Variants in CPNE4 observed in about 807,000 individuals in gnomAD.
CPNE4 encodes the protein copine 4.
A neutral mutation model predicts 67.9 loss-of-function variants in CPNE4; 25 were observed. The ratio of observed to expected loss-of-function variants is 0.37; its 90% CI spans 0.27 to 0.51. The LOEUF is 0.51. CPNE4 is among the 20% of genes least tolerant of loss of function. The pLI is 0.93. For missense variants in CPNE4, 464 were observed against 690.8 expected, an observed-to-expected ratio of 0.67 and a Z score of 3.68; for synonymous variants, 242 against 244.9, an observed-to-expected ratio of 0.99 and a Z score of 0.11.
chr3:132,015,287 A>T (rs955537792), intron 1 of CPNE4, among the ~76,000 whole-genome samples: 5 of 152,212 alleles, frequency 3.3e-5, no homozygotes, highest in African/African-American at 1.2e-4. Context: ...GTTAAATAAA[A>T]TAATATCAAA....
intron 3 of CPNE4, among the ~76,000 whole-genome samples, chr3:131,712,823 G>A (rs1336258039): frequency 6.6e-6 from 1 of 152,218 alleles, no homozygotes; most frequent in Non-Finnish European, 1.5e-5. Flanking sequence ...GGAAACACAA[G>A]GGCTGAATGA....
At chr3:131,706,691 G>T (rs555773285) in intron 3 of CPNE4, among the ~76,000 whole-genome samples, 6 of 152,184 alleles carry the variant, frequency 3.9e-5, no homozygotes, top group Non-Finnish European at 5.9e-5. Flanking sequence ...CTTCAAGTCT[G>T]ATAAGAAACA....
intron 2 of CPNE4, among the ~76,000 whole-genome samples, chr3:131,848,954 T>TAAAAAAAAAAAAA (rs2086114488): frequency 8.1e-5 from 1 of 12,414 alleles, no homozygotes; most frequent in African/African-American, 2.3e-4. Context: ...CAGTAGTGAT[T>TAAAAAAAAAAAAA]ACAAAAAAAA....
rs184669328 is a variant in CPNE4, at chr3:131,789,384, G to A, written c.181-65759C>T. ...TATCCACCTAATAGTAGTGTGGCAG[G>A]AACAATGTGATATAGCAACAAGTCA... On this transcript the variant is annotated intron_variant, in intron 2 of 15. Coordinates refer to ENST00000429747, the MANE Select transcript of CPNE4 (RefSeq NM_130808.3). Among the ~76,000 whole-genome samples, 5 of 152,220 alleles carry A rather than the reference G, an allele frequency of 3.3e-5. 1 individual carries two copies. In the East Asian group the frequency reaches 9.7e-4, roughly 29 times the overall value.
At chr3:131,921,958 G>T (rs1190245580) in intron 1 of CPNE4, among the ~76,000 whole-genome samples, 1 of 152,074 alleles carries the variant, frequency 6.6e-6, no homozygotes, top group Non-Finnish European at 1.5e-5. Flanking sequence ...GATTCAGGGG[G>T]CACATGTGCA....
At chr3:131,922,446 G>A (rs373440531) in intron 1 of CPNE4, among the ~76,000 whole-genome samples, 4 of 152,266 alleles carry the variant, frequency 2.6e-5, no homozygotes, top group East Asian at 1.9e-4. Context: ...TAAACTAAGA[G>A]AGACAGGTCT....
chr3:131,600,266 G>A (rs1270641187), intron 7 of CPNE4, among the ~76,000 whole-genome samples: 1 of 152,178 alleles, frequency 6.6e-6, no homozygotes, highest in African/African-American at 2.4e-5. Flanking sequence ...CAATGACAGT[G>A]AAGAAGGGCC....
intron 3 of CPNE4, among the ~76,000 whole-genome samples, chr3:131,703,850 G>A (rs2081358939): frequency 1.3e-5 from 2 of 152,154 alleles, no homozygotes; most frequent in Admixed American, 6.5e-5. Context: ...ACAATGTAGT[G>A]AAATCTCAGC....
chr3:131,956,707 T>G lies in CPNE4; in HGVS notation c.-1-51263A>C, dbSNP rs192108605. ...TATAAAGTGTGTCCTATCCATCCCATTGGTTTCCTCATAGCCAATGAAAGT... is the reference window on the plus strand; with the variant it reads ...TATAAAGTGTGTCCTATCCATCCCAGTGGTTTCCTCATAGCCAATGAAAGT... On this transcript the variant is annotated intron_variant, in intron 1 of 15. Coordinates refer to ENST00000429747, the MANE Select transcript of CPNE4 (RefSeq NM_130808.3). 6.6e-5 allele frequency among the ~76,000 whole-genome samples: 10 copies of G among 152,288 alleles called. No homozygotes were observed. The South Asian group carries it at 2.1e-3, about 32-fold the overall frequency.
At chr3:131,758,224 A>G (rs1436409473) in intron 2 of CPNE4, among the ~76,000 whole-genome samples, 3 of 152,168 alleles carry the variant, frequency 2.0e-5, no homozygotes, top group Non-Finnish European at 2.9e-5. Flanking sequence ...CAGCCCATGA[A>G]AGCAGCCAGG....
intron 1 of CPNE4, among the ~76,000 whole-genome samples, chr3:131,962,620 A>G (rs2072215622): frequency 6.6e-6 from 1 of 152,236 alleles, no homozygotes; most frequent in Non-Finnish European, 1.5e-5. Flanking sequence ...TGTGGCAAGT[A>G]CTGTTATAAG....
chr3:131,767,208 C>T (rs1033189750), intron 2 of CPNE4, among the ~76,000 whole-genome samples: 5 of 151,978 alleles, frequency 3.3e-5, no homozygotes, highest in African/African-American at 1.2e-4. Context: ...ACCTATGACA[C>T]TCTAATTAAG....
intron 7 of CPNE4, among the ~76,000 whole-genome samples, chr3:131,662,912 C>T (rs2080163091): frequency 6.6e-6 from 1 of 152,160 alleles, no homozygotes; most frequent in Non-Finnish European, 1.5e-5. Context: ...GGTGATTCCT[C>T]AAGGATCTAG....
intron 2 of CPNE4, among the ~76,000 whole-genome samples, chr3:131,814,997 A>T (rs1040265981): frequency 1.3e-5 from 2 of 152,198 alleles, no homozygotes; most frequent in Admixed American, 6.5e-5. Flanking sequence ...GTTCTAAAGG[A>T]GGCCAACACC....
intron 1 of CPNE4, among the ~76,000 whole-genome samples, chr3:131,918,037 G>A (rs777757639): frequency 1.5e-4 from 23 of 152,202 alleles, no homozygotes; most frequent in Non-Finnish European, 2.6e-4. Flanking sequence ...CTGTCCCAGT[G>A]CTTCCCATAA....
intron 2 of CPNE4, among the ~76,000 whole-genome samples, chr3:131,771,622 G>A (rs943471243): frequency 2.6e-4 from 39 of 152,122 alleles, no homozygotes; most frequent in African/African-American, 8.9e-4. Context: ...ACCAGAAGCA[G>A]ATACTGGTGC....
intron 1 of CPNE4, among the ~76,000 whole-genome samples, chr3:131,955,699 A>G (rs1313209735): frequency 1.3e-5 from 2 of 152,142 alleles, no homozygotes; most frequent in African/African-American, 4.8e-5. Flanking sequence ...GTTTCCTCTT[A>G]CAAACCTTTT....
intron 6 of CPNE4, among the ~76,000 whole-genome samples, chr3:131,684,226 T>TG (rs147000107): frequency 0.017 from 2,611 of 152,240 alleles, 44 homozygotes; most frequent in African/African-American, 0.046. Flanking sequence ...GGATGATTAG[T>TG]GGAGGCTTCT....
chr3:131,553,729 GCTAA>G (rs1936311876), intron 12 of CPNE4, among the ~76,000 whole-genome samples: 3 of 152,066 alleles, frequency 2.0e-5, no homozygotes, highest in Admixed American at 6.6e-5. Flanking sequence ...CTGAGAAAGT[GCTAA>G]CTAAGAAAGA....
Sources: allele counts gnomAD v4.1 joint callset (sites outside exome capture counted in the v4.1 genomes callset), GRCh38; gene constraint gnomAD v4.1.1; transcripts MANE v1.5; gene names NCBI Gene and HGNC (gene_info 2026-07-23, HGNC 2026-07-21).